Variants in TASP1 observed in about 807,000 individuals in gnomAD.
TASP1 encodes taspase 1, also known as threonine aspartase 1.
TASP1 carries 16 observed loss-of-function variants against 56.6 expected under a neutral mutation model. That is an observed-to-expected ratio of 0.28 (90% confidence interval 0.19 to 0.43). The LOEUF (loss-of-function observed/expected upper bound fraction) is 0.43, where lower values mean the gene tolerates loss of function less well. TASP1 is among the 20% of genes least tolerant of loss of function. The pLI, the probability that TASP1 is intolerant of heterozygous loss-of-function variation, is 1.00. For missense variants in TASP1, 393 were observed against 511.6 expected (o/e 0.77, Z 2.24); for synonymous variants, 179 against 184.2 (o/e 0.97, Z 0.23).
the TASP1 span, among the ~76,000 whole-genome samples, chr20:13,278,003 G>A: frequency 6.6e-6 from 1 of 152,202 alleles, no homozygotes; most frequent in Non-Finnish European, 1.5e-5. Flanking sequence ...ATTTGGCAGA[G>A]CATCTCAGCA....
chr20:13,633,059 C>G (rs1039144770), intron 1 of TASP1, among the ~76,000 whole-genome samples: 5 of 152,208 alleles, frequency 3.3e-5, no homozygotes, highest in East Asian at 1.9e-4. Flanking sequence ...TGGTACGACT[C>G]AACAACAGCA....
the TASP1 span, among the ~76,000 whole-genome samples, chr20:13,174,314 G>A: frequency 6.6e-6 from 1 of 152,058 alleles, no homozygotes; most frequent in Admixed American, 6.6e-5. Flanking sequence ...TGAGAGAGAG[G>A]CAACTTGAAC....
chr20:13,539,486 G>A (rs1358580666), intron 8 of TASP1, among the ~76,000 whole-genome samples: 1 of 152,090 alleles, frequency 6.6e-6, no homozygotes, highest in Non-Finnish European at 1.5e-5. Context: ...GGAGTGCAAG[G>A]CTATAGTGAG....
intron 10 of TASP1, among the ~76,000 whole-genome samples, chr20:13,521,853 A>G (rs1385048321): frequency 6.6e-6 from 1 of 152,198 alleles, no homozygotes; most frequent in Non-Finnish European, 1.5e-5. Flanking sequence ...AAAATATTAG[A>G]TAATGATACT....
the TASP1 span, among the ~76,000 whole-genome samples, chr20:13,376,628 G>A: frequency 6.6e-6 from 1 of 152,138 alleles, no homozygotes; most frequent in African/African-American, 2.4e-5. Flanking sequence ...GTCAATGGTA[G>A]CTTGATGGGG....
At chr20:13,175,067 C>T in the TASP1 span, among the ~76,000 whole-genome samples, 1 of 152,158 alleles carries the variant, frequency 6.6e-6, no homozygotes, top group Non-Finnish European at 1.5e-5. Flanking sequence ...TCATGTGGAA[C>T]TGTGAGTCAA....
At chr20:13,438,860 C>T (rs1373093873) in intron 11 of TASP1, among the ~76,000 whole-genome samples, 4 of 152,190 alleles carry the variant, frequency 2.6e-5, no homozygotes, top group African/African-American at 9.7e-5. Flanking sequence ...TGAACAGACA[C>T]TTCTCAAAAG....
At chr20:13,333,122 T>C in the TASP1 span, among the ~76,000 whole-genome samples, 3 of 152,230 alleles carry the variant, frequency 2.0e-5, no homozygotes, top group African/African-American at 7.2e-5. Context: ...CCACCAAGTG[T>C]GGGGCCCTTC....
intron 11 of TASP1, among the ~76,000 whole-genome samples, chr20:13,475,314 G>C (rs766236416): frequency 5.3e-5 from 8 of 152,042 alleles, no homozygotes; most frequent in Non-Finnish European, 1.0e-4. Context: ...CATGCTGATG[G>C]GTACAGTTGC....
intron 8 of TASP1, among the ~76,000 whole-genome samples, chr20:13,541,499 T>C (rs930689370): frequency 6.6e-6 from 1 of 152,124 alleles, no homozygotes; most frequent in Non-Finnish European, 1.5e-5. Context: ...CTCCCTACCA[T>C]CCACACACAA....
intron 13 of TASP1, among the ~76,000 whole-genome samples, chr20:13,403,758 T>C (rs1211318316): frequency 6.6e-6 from 1 of 152,112 alleles, no homozygotes; most frequent in African/African-American, 2.4e-5. Flanking sequence ...GGTGTGCCCC[T>C]GCAGTCCTAG....
At chr20:13,142,894 A>G in the TASP1 span, among the ~76,000 whole-genome samples, 2 of 151,888 alleles carry the variant, frequency 1.3e-5, no homozygotes, top group Non-Finnish European at 2.9e-5. Flanking sequence ...TCTCCCTCAC[A>G]TCAAATACCC....
the TASP1 span, chr20:13,299,635 T>C: frequency 1.6e-6 from 1 of 629,538 alleles, no homozygotes; most frequent in East Asian, 2.8e-5. This position sits in a 1 kb window ranked among gnomAD's most constrained non-coding sequence, Gnocchi z 5.8. Context: ...GGGGACTGCC[T>C]TGTGAAGCCG....
chr20:13,514,928 T>G (rs894668484), intron 10 of TASP1, among the ~76,000 whole-genome samples: 4 of 152,298 alleles, frequency 2.6e-5, no homozygotes, highest in East Asian at 1.9e-4. Flanking sequence ...TGCAAACTGT[T>G]TCTACATTTT....
At chr20:13,286,840 G>A in the TASP1 span, among the ~76,000 whole-genome samples, 323 of 152,282 alleles carry the variant, frequency 2.1e-3, 1 homozygote, top group African/African-American at 7.2e-3. Flanking sequence ...AATAACAATC[G>A]CCACGACCTG....
the TASP1 span, among the ~76,000 whole-genome samples, chr20:13,291,899 T>C: frequency 6.6e-6 from 1 of 152,130 alleles, no homozygotes; most frequent in Non-Finnish European, 1.5e-5. Flanking sequence ...CTCTAGGAGG[T>C]AGGGCAATTT....
the TASP1 span, among the ~76,000 whole-genome samples, chr20:13,250,259 C>T: frequency 1.3e-5 from 2 of 151,986 alleles, no homozygotes; most frequent in Non-Finnish European, 2.9e-5. Flanking sequence ...GTACTGTGTC[C>T]AATTTTAGGT....
chr20:13,158,459 A>T, the TASP1 span, among the ~76,000 whole-genome samples: 1 of 152,194 alleles, frequency 6.6e-6, no homozygotes, highest in Non-Finnish European at 1.5e-5. Context: ...AGAAACATGC[A>T]GACAGTGAAA....
Position 13,483,280 on chromosome 20 carries a change from T to C in TASP1, c.932A>G (p.Gln311Arg), listed in dbSNP as rs752521510. ...CAGGGCTTGGTGAGCATCCTCAGCT[T>C]GTAAAGCATGTGAACATTCTCTAGC... Reference protein sequence around the residue: ...ILARECSHALQAEDAHQALLE... With the variant: ...ILARECSHALRAEDAHQALLE... The change falls in exon 11 of 14, where the codon CAA becomes CGA. Residue 311 changes from glutamine (Q) to arginine (R), a missense_variant. Transcript: ENST00000337743. 8 of 1,604,500 alleles carry C rather than the reference T, an allele frequency of 5.0e-6. No individual in the cohort carries two copies. Among genetic ancestry groups the C allele is most frequent in the South Asian group, 1.1e-5 (1 of 89,276 alleles).
Sources: gnomAD v4.1 joint callset for allele counts (sites outside exome capture counted in the v4.1 genomes callset) on GRCh38, gnomAD v4.1.1 for gene constraint, Gnocchi (gnomAD v3.1) non-coding constraint, MANE v1.5 for transcripts, NCBI Gene and HGNC (gene_info 2026-07-23, HGNC 2026-07-21) for gene names.